Variants in MCPH1 observed in about 807,000 individuals in gnomAD.
The protein encoded by MCPH1 is microcephalin 1.
MCPH1 carries 104 observed loss-of-function variants against 84.5 expected under a neutral mutation model. That is an observed-to-expected ratio of 1.23 (90% CI 1.05 to 1.45). MCPH1 has a LOEUF of 1.45. MCPH1 is among the 40% of genes most tolerant of loss of function. The pLI is 0.00. For missense variants in MCPH1, 1,498 were observed against 1,005.7 expected (o/e 1.49, Z -6.62); for synonymous variants, 514 against 366.8 (o/e 1.40, Z -4.58).
At chr8:6,479,501 C>T (rs534388671) in intron 10 of MCPH1, among the ~76,000 whole-genome samples, 1 of 151,730 alleles carries the variant, frequency 6.6e-6, no homozygotes, top group African/African-American at 2.4e-5. Flanking sequence ...GTGGCGCAAT[C>T]TCCTCCCACT....
At chr8:6,465,020 T>A (rs1207796058) in intron 9 of MCPH1, among the ~76,000 whole-genome samples, 1 of 151,766 alleles carries the variant, frequency 6.6e-6, no homozygotes, top group Non-Finnish European at 1.5e-5. Flanking sequence ...AAAGAAAAAT[T>A]CTGCTGGTAG....
intron 12 of MCPH1, among the ~76,000 whole-genome samples, chr8:6,571,446 G>A (rs748257868): frequency 1.1e-4 from 17 of 152,032 alleles, no homozygotes; most frequent in Non-Finnish European, 2.1e-4. Flanking sequence ...CTCAAACTCC[G>A]TTGCTTCTAA....
At chr8:6,608,207 C>T (rs1033711018) in intron 12 of MCPH1, among the ~76,000 whole-genome samples, 11 of 152,178 alleles carry the variant, frequency 7.2e-5, no homozygotes, top group African/African-American at 2.4e-4. Context: ...GAGCTGAGCA[C>T]AGTGAAAACA....
intron 13 of MCPH1, among the ~76,000 whole-genome samples, chr8:6,630,862 C>G (rs1001203470): frequency 7.3e-5 from 11 of 150,106 alleles, no homozygotes; most frequent in African/African-American, 2.7e-4. Context: ...TTGAAAAAGT[C>G]AAATAGGCAA....
intron 12 of MCPH1, among the ~76,000 whole-genome samples, chr8:6,593,418 G>C (rs567622320): frequency 2.1e-5 from 3 of 140,660 alleles, no homozygotes; most frequent in Non-Finnish European, 4.7e-5. Context: ...GCAATGGCGC[G>C]ATCTTGGCTC....
At chr8:6,410,483 G>A (rs1032171123) in intron 2 of MCPH1, among the ~76,000 whole-genome samples, 1 of 152,172 alleles carries the variant, frequency 6.6e-6, no homozygotes. Flanking sequence ...CAAACAATTT[G>A]CCTTATTCAA....
chr8:6,629,921 C>CT (rs1235492873), intron 13 of MCPH1, among the ~76,000 whole-genome samples: 2 of 152,158 alleles, frequency 1.3e-5, no homozygotes, highest in Non-Finnish European at 2.9e-5. Flanking sequence ...GTGGAAAACT[C>CT]TTTTTTGTTT....
chr8:6,467,039 C>T (rs2129558101), intron 9 of MCPH1, among the ~76,000 whole-genome samples: 1 of 152,096 alleles, frequency 6.6e-6, no homozygotes, highest in Non-Finnish European at 1.5e-5. Context: ...CATTATTATT[C>T]AGAAGGGGTT....
chr8:6,434,299 C>T (rs954093536), intron 4 of MCPH1, among the ~76,000 whole-genome samples: 1 of 152,182 alleles, frequency 6.6e-6, no homozygotes, highest in South Asian at 2.1e-4. Flanking sequence ...ACTGCTGACC[C>T]TGAGTCTATA....
intron 12 of MCPH1, among the ~76,000 whole-genome samples, chr8:6,599,607 G>A (rs969887747): frequency 6.6e-6 from 1 of 152,218 alleles, no homozygotes; most frequent in South Asian, 2.1e-4. Flanking sequence ...TATTGAAACA[G>A]GAAGTTCAGA....
chr8:6,522,144 G>C (rs2515446), intron 12 of MCPH1, among the ~76,000 whole-genome samples: 2 of 151,780 alleles, frequency 1.3e-5, no homozygotes, highest in South Asian at 4.2e-4. Flanking sequence ...TCACGAGGTC[G>C]GGAGATTGAG....
intron 9 of MCPH1, among the ~76,000 whole-genome samples, chr8:6,457,684 C>G (rs548016971): frequency 6.6e-6 from 1 of 152,280 alleles, no homozygotes; most frequent in African/African-American, 2.4e-5. Flanking sequence ...CAGTGCGGCA[C>G]CCCGTCCTTA....
chr8:6,535,628 C>A (rs1168346223), intron 12 of MCPH1, among the ~76,000 whole-genome samples: 6 of 152,066 alleles, frequency 3.9e-5, no homozygotes, highest in Admixed American at 2.6e-4. Flanking sequence ...GCTCTTGAAG[C>A]ATGTATCATT....
intron 9 of MCPH1, chr8:6,473,999 T>G (rs1808109698): frequency 3.2e-6 from 3 of 925,818 alleles, no homozygotes; most frequent in South Asian, 1.4e-5. Context: ...AATCTCACAC[T>G]GAATATTGTC....
At chr8:6,544,554 G>A (rs1172949158) in intron 12 of MCPH1, among the ~76,000 whole-genome samples, 3 of 152,142 alleles carry the variant, frequency 2.0e-5, no homozygotes, top group Non-Finnish European at 2.9e-5. Flanking sequence ...AGAGTTTGTC[G>A]AAGTTTTTTT....
At chr8:6,490,677 T>C (rs1810462435) in intron 11 of MCPH1, among the ~76,000 whole-genome samples, 1 of 152,200 alleles carries the variant, frequency 6.6e-6, no homozygotes, top group East Asian at 1.9e-4. Context: ...CTAAAATTAA[T>C]TTCCAATGAA....
At chr8:6,448,364 G>T (rs1804682850) in intron 8 of MCPH1, among the ~76,000 whole-genome samples, 2 of 152,204 alleles carry the variant, frequency 1.3e-5, no homozygotes, top group Admixed American at 6.5e-5. Context: ...GGCCAGTACA[G>T]CAAGGACTTC....
chr8:6,499,063 AAATTAAAT>A (rs959478966), intron 11 of MCPH1, among the ~76,000 whole-genome samples: 11 of 128,392 alleles, frequency 8.6e-5, no homozygotes, highest in African/African-American at 2.7e-4. Flanking sequence ...AAAAATAAAT[AAATTAAAT>A]AAATAAATAA....
chr8:6,564,223 G>A (rs996679882), intron 12 of MCPH1, among the ~76,000 whole-genome samples: 2 of 152,048 alleles, frequency 1.3e-5, no homozygotes, highest in South Asian at 2.1e-4. Context: ...TGATCGACTC[G>A]CCTTTGGCCT....
Sources: allele counts gnomAD v4.1 joint callset (sites outside exome capture counted in the v4.1 genomes callset), GRCh38; gene constraint gnomAD v4.1.1; transcripts MANE v1.5; gene names NCBI Gene and HGNC (gene_info 2026-07-23, HGNC 2026-07-21).